Variants in EXOC2 observed in about 807,000 individuals in gnomAD.
The protein encoded by EXOC2 is SEC5-like 1.
A neutral mutation model predicts 131.8 loss-of-function variants in EXOC2; 70 were observed. That is an observed-to-expected ratio of 0.53 (90% CI 0.44 to 0.65). EXOC2 has a LOEUF of 0.65. Among genes scored for constraint, EXOC2 ranks in the 30% least tolerant of loss-of-function variants. The probability of loss-of-function intolerance (pLI) is 0.00; values close to 1 mark genes in which losing one functional copy is unlikely to be tolerated. For missense variants in EXOC2, 923 were observed against 1,108.6 expected, an observed-to-expected ratio of 0.83 and a Z score of 2.38; for synonymous variants, 411 against 398.4, an observed-to-expected ratio of 1.03 and a Z score of -0.38.
At position 629,976 on chromosome 6, in the gene EXOC2, A is replaced by C; in HGVS notation, c.296-15T>G. 6.2e-7 allele frequency: 1 copy of C among 1,612,888 alleles called. No homozygotes were observed. The highest frequency in any genetic ancestry group is 8.5e-7 in the Non-Finnish European group (1 of 1,179,456). ...ATCCAAAATGCCTACAGAAATGAGG[A>C]GCATATGCTTAATAAGATGAAGCCT... On this transcript the variant is annotated splice_polypyrimidine_tract_variant and intron_variant, in intron 3 of 27. Coordinates refer to ENST00000230449, the MANE Select transcript of EXOC2 (RefSeq NM_018303.6).
chr6:516,177 C>T (rs980761361), intron 23 of EXOC2, among the ~76,000 whole-genome samples: 1 of 152,216 alleles, frequency 6.6e-6, no homozygotes, highest in African/African-American at 2.4e-5. Context: ...TAAATCTCAC[C>T]TTACCGCAGA....
At chr6:556,610 C>T (rs768337976) in intron 17 of EXOC2, 46 bp from the exon 18 acceptor site, 17 of 1,601,464 alleles carry the variant, frequency 1.1e-5, no homozygotes, top group Non-Finnish European at 1.5e-5. Context: ...TGAGCACTGG[C>T]TGTGAAGACA....
chr6:508,965 CATTCTACTAGGTGTGCA>C (rs1235146884), intron 23 of EXOC2, among the ~76,000 whole-genome samples: 3 of 152,228 alleles, frequency 2.0e-5, no homozygotes, highest in Non-Finnish European at 4.4e-5. Context: ...GGATTTTGGC[CATTCTACTAGGTGTGCA>C]ATGGTATCTT....
chr6:615,176 G>GGGGGGT (rs1554137926), intron 6 of EXOC2, among the ~76,000 whole-genome samples: 4 of 103,784 alleles, frequency 3.9e-5, no homozygotes, highest in African/African-American at 1.3e-4. Flanking sequence ...AGTATATGTG[G>GGGGGGT]GTGTGGGTGT....
intron 16 of EXOC2, 137 bp from the exon 17 acceptor site, chr6:562,982 T>A: frequency 3.8e-6 from 2 of 531,616 alleles, no homozygotes; most frequent in Admixed American, 4.1e-5. Context: ...AGGCAAAGAA[T>A]ATAATTTTGG....
intron 12 of EXOC2, 73 bp from the exon 13 acceptor site, chr6:572,717 A>AC (rs1758354712): frequency 5.9e-6 from 9 of 1,519,468 alleles, no homozygotes; most frequent in South Asian, 1.3e-5. Flanking sequence ...ATATTGGCGC[A>AC]CCCCCCTCCA....
chr6:541,540 T>A (rs1398287492), intron 22 of EXOC2, among the ~76,000 whole-genome samples: 2 of 151,908 alleles, frequency 1.3e-5, no homozygotes, highest in African/African-American at 4.8e-5. Context: ...CGATAGTAAG[T>A]ACAAAAAATG....
At chr6:502,152 A>G (rs1460121457) in intron 23 of EXOC2, among the ~76,000 whole-genome samples, 2 of 152,164 alleles carry the variant, frequency 1.3e-5, no homozygotes, top group Non-Finnish European at 1.5e-5. Flanking sequence ...CACAGGTAAC[A>G]TACATACTTA....
chr6:656,687 G>A (rs1161381211), intron 1 of EXOC2: 6 of 1,606,398 alleles, frequency 3.7e-6, no homozygotes, highest in East Asian at 4.5e-5. Flanking sequence ...CCCGGGACAG[G>A]TGCTCCGCCG....
intron 23 of EXOC2, among the ~76,000 whole-genome samples, chr6:520,783 GCACCAACAC>G (rs1765376719): frequency 1.5e-5 from 2 of 134,796 alleles, no homozygotes; most frequent in African/African-American, 6.0e-5. Flanking sequence ...CACCCACCGA[GCACCAACAC>G]TCACCGTCCA....
At chr6:495,399 C>A (rs931397140) in intron 25 of EXOC2, among the ~76,000 whole-genome samples, 5 of 152,138 alleles carry the variant, frequency 3.3e-5, no homozygotes, top group African/African-American at 1.2e-4. Context: ...GCTGGGATTA[C>A]AGGTGTGAGC....
At chr6:673,636 G>A (rs1024455417) in intron 1 of EXOC2, among the ~76,000 whole-genome samples, 5 of 152,062 alleles carry the variant, frequency 3.3e-5, no homozygotes, top group Non-Finnish European at 7.4e-5. Context: ...CATCGGCAAG[G>A]AGGGGTTCTG....
chr6:537,211 A>ACCGACGGAGCGCACACACGAGATGACGG (rs1766499418), intron 22 of EXOC2, among the ~76,000 whole-genome samples: 1 of 118,616 alleles, frequency 8.4e-6, no homozygotes, highest in Non-Finnish European at 1.8e-5. Flanking sequence ...CGAGATGACG[A>ACCGACGGAGCGCACACACGAGATGACGG]CCGACGGAGC....
At chr6:595,232 T>C (rs1364784850) in intron 10 of EXOC2, among the ~76,000 whole-genome samples, 1 of 152,028 alleles carries the variant, frequency 6.6e-6, no homozygotes, top group East Asian at 1.9e-4. Flanking sequence ...AATCTGATTT[T>C]CCCCTCTACT....
At chr6:555,378 T>C (rs1757364705) in intron 19 of EXOC2, 90 bp from the exon 20 acceptor site, 3 of 734,524 alleles carry the variant, frequency 4.1e-6, no homozygotes, top group African/African-American at 3.5e-5. Context: ...TTACATAAAG[T>C]AGAATTATAT....
chr6:523,125 G>A (rs544350810), intron 23 of EXOC2, among the ~76,000 whole-genome samples: 2 of 152,338 alleles, frequency 1.3e-5, no homozygotes, highest in South Asian at 4.1e-4. Context: ...AATCTGATAG[G>A]TAAGATAAAG....
rs368586852 is a variant in EXOC2, at chr6:488,261, G to A, written c.2681+718C>T. 5.3e-5 allele frequency among the ~76,000 whole-genome samples: 8 copies of A among 152,292 alleles called. No homozygotes were observed. In the East Asian group the frequency reaches 9.7e-4, roughly 18 times the overall value. On this transcript the variant is annotated intron_variant, in intron 27 of 27. Coordinates refer to ENST00000230449, the MANE Select transcript of EXOC2 (RefSeq NM_018303.6). ...TGCACTGAGTCTGCACTGCATTCACGGTGCCAGCATTTCAGTCAGTGCACC... is the reference window on the plus strand; with the variant it reads ...TGCACTGAGTCTGCACTGCATTCACAGTGCCAGCATTTCAGTCAGTGCACC...
chr6:616,602 CAA>C (rs70985805), intron 6 of EXOC2, among the ~76,000 whole-genome samples: 16 of 69,496 alleles, frequency 2.3e-4, no homozygotes, highest in African/African-American at 8.0e-4. Flanking sequence ...AACTCCGTCT[CAA>C]AAAAAAAAAA....
chr6:656,420 C>T (rs201938038), intron 1 of EXOC2: 35 of 1,613,882 alleles, frequency 2.2e-5, no homozygotes, highest in Admixed American at 3.3e-5. Context: ...CGTGACTGCC[C>T]ACGTTCGCCA....
Sources: allele counts gnomAD v4.1 joint callset (sites outside exome capture counted in the v4.1 genomes callset), GRCh38; gene constraint gnomAD v4.1.1; transcripts MANE v1.5; gene names NCBI Gene and HGNC (gene_info 2026-07-23, HGNC 2026-07-21).